The following RBFOX3 variants were observed in gnomAD, a reference collection of about 807,000 sequenced individuals.
RBFOX3 encodes the protein RNA binding protein fox-1 homolog 3.
In RBFOX3, 17 loss-of-function variants were observed where a neutral mutation model predicts 48.7. That is an observed-to-expected ratio of 0.35 (90% CI 0.24 to 0.52). RBFOX3 has a LOEUF of 0.52. Ranked by LOEUF, RBFOX3 falls within the 20% of genes least tolerant of loss-of-function variation. The pLI is 0.94. For missense variants in RBFOX3, 382 were observed against 497.5 expected, an observed-to-expected ratio of 0.77 and a Z score of 2.21; for synonymous variants, 212 against 209.5, an observed-to-expected ratio of 1.01 and a Z score of -0.10.
intron 2 of RBFOX3, among the ~76,000 whole-genome samples, chr17:79,408,708 CA>C (rs1329026635): frequency 6.6e-6 from 1 of 152,190 alleles, no homozygotes; most frequent in Non-Finnish European, 1.5e-5. Flanking sequence ...TGCCAAATTG[CA>C]TCTGAATAAT....
At chr17:79,173,616 G>A (rs1267508808) in intron 4 of RBFOX3, among the ~76,000 whole-genome samples, 5 of 152,116 alleles carry the variant, frequency 3.3e-5, no homozygotes, top group South Asian at 2.1e-4. Flanking sequence ...TGGCAGTGAC[G>A]GCACGGCACT....
chr17:79,478,417 C>T (rs1331284302), intron 2 of RBFOX3, among the ~76,000 whole-genome samples: 4 of 152,262 alleles, frequency 2.6e-5, no homozygotes, highest in Admixed American at 2.0e-4. Flanking sequence ...CTCATCACGG[C>T]AGGCTCACAC....
At chr17:79,344,073 GA>G (rs2082502261) in intron 2 of RBFOX3, among the ~76,000 whole-genome samples, 1 of 152,166 alleles carries the variant, frequency 6.6e-6, no homozygotes, top group South Asian at 2.1e-4. Flanking sequence ...AAATCTCCAA[GA>G]GGGGTTAGTG....
Position 79,535,283 on chromosome 17 carries a change from C to T in RBFOX3, c.-319-52685G>A, listed in dbSNP as rs76992312. On this transcript the variant is annotated intron_variant, in intron 1 of 14. Transcript: ENST00000693108. The surrounding 1 kb of genome is among the most constrained non-coding windows in gnomAD (Gnocchi z 4.5). Reference sequence around the variant, plus strand: ...CTGTTCACAGAGGCTGACTCCCGTCCTCCCTTTCCTGAAAGACACTCTCTT... The same window carrying T: ...CTGTTCACAGAGGCTGACTCCCGTCTTCCCTTTCCTGAAAGACACTCTCTT... 0.021 allele frequency among the ~76,000 whole-genome samples: 3,190 copies of T among 152,294 alleles called. 71 individuals are homozygous for T. The highest frequency in any genetic ancestry group is 0.048 in the African/African-American group (2,007 of 41,560).
At chr17:79,209,151 C>CCCCTCT (rs2058002529) in intron 4 of RBFOX3, among the ~76,000 whole-genome samples, 1 of 152,100 alleles carries the variant, frequency 6.6e-6, no homozygotes, top group South Asian at 2.1e-4. Context: ...GCCCATTCCT[C>CCCCTCT]CCCTCTCCCA....
intron 4 of RBFOX3, among the ~76,000 whole-genome samples, chr17:79,138,976 C>A (rs1210597799): frequency 7.0e-6 from 1 of 142,456 alleles, no homozygotes; most frequent in Non-Finnish European, 1.5e-5. Context: ...ACAGCACATG[C>A]GTTCACACCC....
rs575598054 is a variant in RBFOX3, at chr17:79,101,020, T to TC, written c.568+563dup. ...TCACATCCTCCGAAATCTGAGCACC[T>TC]CCCCCCGGGCCCTTCCTCATGGTGC... On this transcript the variant is annotated intron_variant, in intron 9 of 14. Coordinates refer to ENST00000693108, the MANE Select transcript of RBFOX3 (RefSeq NM_001350451.2). 2.6e-4 allele frequency among the ~76,000 whole-genome samples: 39 copies of TC among 152,102 alleles called. No individual in the cohort carries two copies. In the East Asian group the frequency reaches 6.8e-3, roughly 26 times the overall value.
intron 2 of RBFOX3, among the ~76,000 whole-genome samples, chr17:79,406,041 G>C (rs1238802629): frequency 6.6e-6 from 1 of 152,148 alleles, no homozygotes; most frequent in East Asian, 1.9e-4. Context: ...CCTTTTCATG[G>C]CTGTGTAATA....
intron 1 of RBFOX3, among the ~76,000 whole-genome samples, chr17:79,547,702 G>A (rs976951246): frequency 1.1e-4 from 17 of 152,228 alleles, no homozygotes; most frequent in African/African-American, 3.9e-4. Context: ...TCCAGGGGCT[G>A]CCGTCCAGCA....
At position 79,481,278 on chromosome 17, in the gene RBFOX3, G is replaced by A. The variant is rs975198402; in HGVS notation, c.-175+1176C>T. On this transcript the variant is annotated intron_variant, in intron 2 of 14. Transcript: ENST00000693108. The surrounding 1 kb of genome is among the most constrained non-coding windows in gnomAD (Gnocchi z 5.4). ...TGCAAAGCCTGCCTGCAGGCTTCAGGGCTCCAGTCCTCCCTGCCTGGGGGT... is the reference window on the plus strand; with the variant it reads ...TGCAAAGCCTGCCTGCAGGCTTCAGAGCTCCAGTCCTCCCTGCCTGGGGGT... Among the ~76,000 whole-genome samples, 1 of 152,222 alleles carries A rather than the reference G, an allele frequency of 6.6e-6. No homozygotes were observed. The highest frequency in any genetic ancestry group is 6.5e-5 in the Admixed American group (1 of 15,294).
intron 1 of RBFOX3, among the ~76,000 whole-genome samples, chr17:79,547,838 C>CCAGGCGCA (rs1568403615): frequency 6.6e-6 from 1 of 151,910 alleles, no homozygotes; most frequent in African/African-American, 2.4e-5. Context: ...GTACTCGCAC[C>CCAGGCGCA]CACACCGATT....
chr17:79,609,778 C>T (rs1471286679), intron 1 of RBFOX3, among the ~76,000 whole-genome samples: 1 of 152,040 alleles, frequency 6.6e-6, no homozygotes, highest in East Asian at 2.0e-4. Flanking sequence ...GGCTGCGCGC[C>T]AGGGGAGGCT....
intron 4 of RBFOX3, among the ~76,000 whole-genome samples, chr17:79,157,471 C>G (rs1020034206): frequency 1.3e-5 from 2 of 152,264 alleles, no homozygotes; most frequent in African/African-American, 4.8e-5. Context: ...TGGCTTCCCC[C>G]TGGGTCACCA....
intron 1 of RBFOX3, among the ~76,000 whole-genome samples, chr17:79,547,213 C>A (rs1334929000): frequency 6.6e-6 from 1 of 152,134 alleles, no homozygotes; most frequent in African/African-American, 2.4e-5. Context: ...CTTTTGGAGG[C>A]CGAGGCAGGT....
intron 2 of RBFOX3, among the ~76,000 whole-genome samples, chr17:79,454,983 G>A (rs922964886): frequency 1.3e-5 from 2 of 152,210 alleles, no homozygotes; most frequent in African/African-American, 2.4e-5. Flanking sequence ...CACGAGGCCC[G>A]ACAGCATCCC....
At chr17:79,113,905 C>T (rs1450824305) in intron 5 of RBFOX3, among the ~76,000 whole-genome samples, 1 of 152,192 alleles carries the variant, frequency 6.6e-6, no homozygotes, top group Non-Finnish European at 1.5e-5. Context: ...TAGGCTGTGT[C>T]TGGTGGCCCC....
At chr17:79,611,130 T>TCTCTCTCTCTCTCTCCCTCTCTCTC (rs1491548376), upstream of RBFOX3, among the ~76,000 whole-genome samples, 1 of 37,846 alleles carries the variant, frequency 2.6e-5, no homozygotes, top group East Asian at 8.5e-4. Context: ...TCCGCCCTCC[T>TCTCTCTCTCTCTCTCCCTCTCTCTC]TCTCTCTCTC....
At chr17:79,487,542 G>T (rs184252581) in intron 1 of RBFOX3, among the ~76,000 whole-genome samples, 1 of 152,196 alleles carries the variant, frequency 6.6e-6, no homozygotes, top group African/African-American at 2.4e-5. Context: ...GTGCCCCAGC[G>T]CCTGGCCAAT....
At chr17:79,387,893 A>G (rs2060779604) in intron 2 of RBFOX3, among the ~76,000 whole-genome samples, 2 of 148,214 alleles carry the variant, frequency 1.3e-5, no homozygotes. Flanking sequence ...CATGTGCAAG[A>G]GTGTGTGATT....
Sources: allele counts gnomAD v4.1 joint callset (sites outside exome capture counted in the v4.1 genomes callset), GRCh38; gene constraint gnomAD v4.1.1; non-coding constraint Gnocchi (gnomAD v3.1); transcripts MANE v1.5; gene names NCBI Gene and HGNC (gene_info 2026-07-23, HGNC 2026-07-21).